The following BMPR1A variants were observed in gnomAD, a reference collection of about 807,000 sequenced individuals.
The protein encoded by BMPR1A is bone morphogenetic protein receptor type 1A.
BMPR1A carries 7 observed loss-of-function variants against 66.0 expected under a neutral mutation model. That is an observed-to-expected ratio of 0.11 (90% confidence interval 0.06 to 0.20). The LOEUF is 0.20. BMPR1A is among the 10% of genes least tolerant of loss of function. BMPR1A has a pLI of 1.00. For synonymous variants in BMPR1A, 200 were observed against 229.7 expected (o/e 0.87, Z 1.17); for missense variants, 408 against 669.1 (o/e 0.61, Z 4.31).
At chr10:86,810,597 A>G (rs112869922) in intron 1 of BMPR1A, among the ~76,000 whole-genome samples, 11,501 of 152,158 alleles carry the variant, frequency 0.076, 528 homozygotes, top group Non-Finnish European at 0.081. Flanking sequence ...TTTTTATTAT[A>G]GCCACTCAGG....
chr10:86,785,463 A>G (rs1841501922), intron 1 of BMPR1A, among the ~76,000 whole-genome samples: 1 of 152,078 alleles, frequency 6.6e-6, no homozygotes, highest in African/African-American at 2.4e-5. Context: ...GTGCCACCAC[A>G]TCTAGCTAAT....
intron 7 of BMPR1A, among the ~76,000 whole-genome samples, chr10:86,903,700 C>G (rs1029243525): frequency 6.6e-6 from 1 of 151,986 alleles, no homozygotes; most frequent in African/African-American, 2.4e-5. Context: ...CAAGCTCCAC[C>G]TCCCGGGTTT....
At chr10:86,882,461 A>T (rs1311124146) in intron 3 of BMPR1A, among the ~76,000 whole-genome samples, 2 of 152,048 alleles carry the variant, frequency 1.3e-5, no homozygotes, top group Non-Finnish European at 2.9e-5. Context: ...ACTTCATTTC[A>T]AACATATATA....
intron 1 of BMPR1A, among the ~76,000 whole-genome samples, chr10:86,837,247 C>CTGTGTGTGTGTGTGTGTGTGTGTG (rs71019433): frequency 2.2e-5 from 3 of 138,106 alleles, no homozygotes; most frequent in East Asian, 2.1e-4. Flanking sequence ...GTGTGTGTGT[C>CTGTGTGTGTGTGTGTGTGTGTGTG]TGTGTGTGTG....
In BMPR1A at chr10:86,892,110, G is replaced by A. The variant is rs768578338; in HGVS notation, c.231-17G>A. The A allele has an allele frequency of 6.3e-7, 1 of 1,591,542 alleles. No homozygotes were observed. The highest frequency in any genetic ancestry group is 8.6e-7 in the Non-Finnish European group (1 of 1,160,254). On this transcript the variant is annotated splice_polypyrimidine_tract_variant and intron_variant, in intron 4 of 12. Coordinates refer to ENST00000372037, the MANE Select transcript of BMPR1A (RefSeq NM_004329.3). ...GTGAATTTATGTTTTGTTTTGTTTT[G>A]TTTTTTTCTGTTTTAGAACTAATGG...
intron 2 of BMPR1A, among the ~76,000 whole-genome samples, chr10:86,870,018 A>G: frequency 6.6e-6 from 1 of 152,274 alleles, no homozygotes; most frequent in Middle Eastern, 3.4e-3. Flanking sequence ...ATTTTTAAAA[A>G]TTATTTATAT....
At chr10:86,803,802 A>G (rs1841846190) in intron 1 of BMPR1A, among the ~76,000 whole-genome samples, 1 of 152,164 alleles carries the variant, frequency 6.6e-6, no homozygotes, top group Non-Finnish European at 1.5e-5. Context: ...AACTGTCTTT[A>G]GAAATGTTTT....
intron 2 of BMPR1A, among the ~76,000 whole-genome samples, chr10:86,871,894 C>T (rs1022571978): frequency 3.3e-5 from 5 of 152,004 alleles, no homozygotes; most frequent in Admixed American, 1.3e-4. Flanking sequence ...TCCTTATGTA[C>T]TCTGTGAGCA....
chr10:86,892,430 T>G (rs765178631), intron 5 of BMPR1A, among the ~76,000 whole-genome samples: 3 of 152,196 alleles, frequency 2.0e-5, no homozygotes, highest in Non-Finnish European at 4.4e-5. Flanking sequence ...AAAAGCTAAT[T>G]GTTTGATTAC....
chr10:86,834,207 G>A (rs1047291602), intron 1 of BMPR1A, among the ~76,000 whole-genome samples: 1 of 152,170 alleles, frequency 6.6e-6, no homozygotes. Context: ...GTCACAGTTG[G>A]TTCAGACCAG....
intron 2 of BMPR1A, chr10:86,855,284 C>T: frequency 9.3e-7 from 1 of 1,078,326 alleles, no homozygotes; most frequent in South Asian, 3.1e-5. Context: ...ACCTCAGTTT[C>T]TTCTGTCTTC....
rs1843129179 is a variant in BMPR1A, at chr10:86,890,253, A to AGTTAG, written c.230+31_230+35dup. ...AGTATTTTATGCAGCCCTTCTTAAG[A>AGTTAG]GTTAGGAGAATAGAGTTGCATTTAG... On this transcript the variant is annotated intron_variant, in intron 4 of 12. Transcript: ENST00000372037. The AGTTAG allele has an allele frequency of 3.7e-6, 6 of 1,611,912 alleles. No individual in the cohort carries two copies. In the Admixed American group the frequency reaches 6.7e-5, roughly 18 times the overall value.
chr10:86,790,187 AAATATATATATAT>A (rs1841588714), intron 1 of BMPR1A, among the ~76,000 whole-genome samples: 4 of 28,462 alleles, frequency 1.4e-4, no homozygotes, highest in African/African-American at 7.1e-4. Context: ...AAAAAAAAAA[AAATATATATATAT>A]ATATATATAT....
At chr10:86,917,795 A>C (rs949653579) in intron 9 of BMPR1A, among the ~76,000 whole-genome samples, 1 of 152,214 alleles carries the variant, frequency 6.6e-6, no homozygotes, top group African/African-American at 2.4e-5. Flanking sequence ...CGATCTGGCT[A>C]TCCTGAGTTT....
chr10:86,790,140 C>T lies in BMPR1A; in HGVS notation c.-268+33221C>T, dbSNP rs1133918. Among the ~76,000 whole-genome samples the T allele has an allele frequency of 2.8e-4, 30 of 107,322 alleles. 1 individual carries two copies. Among genetic ancestry groups the T allele is most frequent in the Non-Finnish European group, 1.6e-4 (9 of 56,838 alleles). The allele number at this position is 107,322 out of a possible 152,430, so 70.4% of individuals were successfully genotyped here. ...CACTGCCACTGCACTCCAGCCTGGACGACAGAGCGAGACTCTGTCTCCAAA... is the reference window on the plus strand; with the variant it reads ...CACTGCCACTGCACTCCAGCCTGGATGACAGAGCGAGACTCTGTCTCCAAA... On this transcript the variant is annotated intron_variant, in intron 1 of 12. Transcript: ENST00000372037.
At chr10:86,905,940 CAT>C (rs1843379221) in intron 7 of BMPR1A, among the ~76,000 whole-genome samples, 1 of 152,046 alleles carries the variant, frequency 6.6e-6, no homozygotes, top group Non-Finnish European at 1.5e-5. Flanking sequence ...TATATGTACA[CAT>C]ATTTTTATCA....
Position 86,893,923 on chromosome 10 carries a change from A to G in BMPR1A, c.333+1694A>G, listed in dbSNP as rs144791748. Among the ~76,000 whole-genome samples the G allele has an allele frequency of 5.1e-3, 774 of 152,358 alleles. 8 individuals carry two copies. Among genetic ancestry groups the G allele is most frequent in the South Asian group, 0.042 (202 of 4,830 alleles). On this transcript the variant is annotated intron_variant, in intron 5 of 12. Transcript: ENST00000372037. ...ATCTTCCTTTCTGACTCTTTGGACC[A>G]TAGAGAACAAACCTAATCTCTCTTT...
chr10:86,922,221 G>T (rs1355113778), intron 11 of BMPR1A, among the ~76,000 whole-genome samples: 1 of 152,150 alleles, frequency 6.6e-6, no homozygotes, highest in African/African-American at 2.4e-5. Flanking sequence ...TGTTATTTCA[G>T]AAGGCAGAAT....
At chr10:86,849,099 T>G (rs1842529949) in intron 2 of BMPR1A, among the ~76,000 whole-genome samples, 1 of 152,236 alleles carries the variant, frequency 6.6e-6, no homozygotes, top group African/African-American at 2.4e-5. Flanking sequence ...TTTCTCCTTG[T>G]CTGCTGAGTA....
Sources: allele counts gnomAD v4.1 joint callset (sites outside exome capture counted in the v4.1 genomes callset), GRCh38; gene constraint gnomAD v4.1.1; transcripts MANE v1.5; gene names NCBI Gene and HGNC (gene_info 2026-07-23, HGNC 2026-07-21).